Variants in CREB1 observed in about 807,000 individuals in gnomAD.
The protein encoded by CREB1 is cAMP responsive element binding protein 1.
In CREB1, 2 loss-of-function variants were observed where a neutral mutation model predicts 42.0. The ratio of observed to expected loss-of-function variants is 0.05; its 90% CI spans 0.02 to 0.15. The LOEUF is 0.15. Among genes scored for constraint, CREB1 ranks in the 10% least tolerant of loss-of-function variants. CREB1 has a pLI of 1.00. For missense variants in CREB1, 199 were observed against 388.9 expected (o/e 0.51, Z 4.11); for synonymous variants, 123 against 139.9 (o/e 0.88, Z 0.85).
intron 7 of CREB1, among the ~76,000 whole-genome samples, chr2:207,583,483 A>G (rs184540607): frequency 5.9e-5 from 9 of 152,360 alleles, no homozygotes; most frequent in Admixed American, 4.6e-4. Flanking sequence ...TACCAGTTAC[A>G]GTGCAGTATT....
intron 4 of CREB1, among the ~76,000 whole-genome samples, chr2:207,568,811 G>A (rs572973324): frequency 8.8e-4 from 134 of 151,982 alleles, no homozygotes; most frequent in African/African-American, 3.2e-3. Flanking sequence ...CCATTTTAGA[G>A]TTTCTCCACC....
intron 1 of CREB1, chr2:207,550,605 C>T (rs1051470890): frequency 1.3e-5 from 2 of 152,046 alleles, no homozygotes; most frequent in African/African-American, 4.8e-5. Flanking sequence ...AGTATGTATT[C>T]TTTCCTTTTG....
Position 207,605,385 on chromosome 2 carries a change from T to G in CREB1, c.*8327T>G, listed in dbSNP as rs1024471573. 1.3e-5 allele frequency among the ~76,000 whole-genome samples: 2 copies of G among 152,242 alleles called. No individual in the cohort carries two copies. The highest frequency in any genetic ancestry group is 2.9e-5 in the Non-Finnish European group (2 of 68,036). On this transcript the variant is annotated 3_prime_UTR_variant, in exon 8 of 8. Transcript: ENST00000353267. ...TGAAGAAATGTCTGTTGAGGTCCTT[T>G]GTTCATTGAAATTTTGTTGTTGGGT...
chr2:207,577,201 C>T, intron 6 of CREB1: 1 of 1,106,662 alleles, frequency 9.0e-7, no homozygotes, highest in Non-Finnish European at 1.1e-6. Context: ...CCAAGCTGTG[C>T]CCCACTTACC....
rs1402539756 is a variant in CREB1 at position 207,603,815 on chromosome 2, G to C, written c.*6757G>C. Among the ~76,000 whole-genome samples, 1 of 152,192 alleles carries C rather than the reference G, an allele frequency of 6.6e-6. No homozygotes were observed. Among genetic ancestry groups the C allele is most frequent in the Non-Finnish European group, 1.5e-5 (1 of 68,024 alleles). ...GATCATATAAATTGGAAGGAAAGGG[G>C]AGGGGATATGGTTAATCTTTGCTTA... is the stretch of plus-strand genomic sequence containing the variant. On this transcript the variant is annotated 3_prime_UTR_variant, in exon 8 of 8. Transcript: ENST00000353267.
chr2:207,546,749 CAAA>C (rs1300920553), intron 1 of CREB1, among the ~76,000 whole-genome samples: 1 of 151,406 alleles, frequency 6.6e-6, no homozygotes, highest in Non-Finnish European at 1.5e-5. Flanking sequence ...CAAAAAACAA[CAAA>C]AACAAATCAA....
chr2:207,586,815 A>G (rs1254077965), intron 7 of CREB1, among the ~76,000 whole-genome samples: 1 of 152,234 alleles, frequency 6.6e-6, no homozygotes, highest in Non-Finnish European at 1.5e-5. Flanking sequence ...CAACATTACT[A>G]ATTGTCAGAT....
intron 1 of CREB1, among the ~76,000 whole-genome samples, chr2:207,535,584 T>C (rs896098526): frequency 6.6e-6 from 1 of 152,094 alleles, no homozygotes; most frequent in African/African-American, 2.4e-5. Context: ...GTTTTATATT[T>C]TGTACCTAAA....
At chr2:207,560,158 C>A in intron 2 of CREB1, 68 bp from the exon 3 acceptor site, 1 of 1,379,592 alleles carries the variant, frequency 7.2e-7, no homozygotes, top group South Asian at 2.1e-5. Flanking sequence ...AAAGTTATTT[C>A]ATATTGAACA....
At chr2:207,540,040 C>T (rs544867529) in intron 1 of CREB1, among the ~76,000 whole-genome samples, 263 of 152,292 alleles carry the variant, frequency 1.7e-3, no homozygotes, top group Non-Finnish European at 2.8e-3. Flanking sequence ...ACTCCCAATT[C>T]TTCTCCTTAG....
intron 4 of CREB1, among the ~76,000 whole-genome samples, chr2:207,569,359 G>T (rs1422430325): frequency 6.6e-6 from 1 of 152,148 alleles, no homozygotes; most frequent in Non-Finnish European, 1.5e-5. Context: ...TATCGGGATT[G>T]TGCCAGTTTT....
intron 1 of CREB1, chr2:207,550,291 G>A (rs1412408849): frequency 6.7e-6 from 1 of 149,576 alleles, no homozygotes; most frequent in African/African-American, 2.5e-5. Flanking sequence ...ACTTGTTAGT[G>A]TGCAGGGAAA....
In CREB1 at chr2:207,604,265, TAG is replaced by T. The variant is rs2087656367; in HGVS notation, c.*7208_*7209del. Among the ~76,000 whole-genome samples the T allele has an allele frequency of 1.3e-5, 2 of 152,214 alleles. No homozygotes were observed. The highest frequency in any genetic ancestry group is 2.9e-5 in the Non-Finnish European group (2 of 68,038). On this transcript the variant is annotated 3_prime_UTR_variant, in exon 8 of 8. Coordinates refer to ENST00000353267, the MANE Select transcript of CREB1 (RefSeq NM_004379.5). ...TAAAATTCTGATCCATTTCTAGTTT[TAG>T]TGTTTCGCCACTGAAGACTTAACAT...
At position 207,543,884 on chromosome 2, in the gene CREB1, G is replaced by A. The variant is rs762965556; in HGVS notation, c.-8-11744G>A. On this transcript the variant is annotated intron_variant, in intron 1 of 7. Coordinates refer to ENST00000353267, the MANE Select transcript of CREB1 (RefSeq NM_004379.5). ...TCCCAGAGTGCTGGGGATTACAGGC[G>A]TGAGCCACGGCGCCCAGCCAAAATT... Among the ~76,000 whole-genome samples, 36 of 152,074 alleles carry A rather than the reference G, an allele frequency of 2.4e-4. 1 individual carries two copies. The highest frequency in any genetic ancestry group is 1.9e-3 in the East Asian group (10 of 5,144).
At chr2:207,591,696 G>A (rs2085071633) in intron 7 of CREB1, among the ~76,000 whole-genome samples, 2 of 152,148 alleles carry the variant, frequency 1.3e-5, no homozygotes, top group Admixed American at 1.3e-4. Context: ...GCCTCCCAAA[G>A]TGCTGGGATT....
chr2:207,575,934 T>TTTCC (rs772496096), intron 6 of CREB1, among the ~76,000 whole-genome samples: 1 of 14,190 alleles, frequency 7.0e-5, no homozygotes, highest in Non-Finnish European at 1.6e-4. Context: ...TTTCTCTGCT[T>TTTCC]CCCCCCCCCC....
intron 5 of CREB1, among the ~76,000 whole-genome samples, chr2:207,571,304 G>A (rs2082354620): frequency 6.6e-6 from 1 of 151,864 alleles, no homozygotes. Flanking sequence ...GAGCCATCCA[G>A]GAGTTTAAGA....
chr2:207,543,736 G>A (rs2081191106), intron 1 of CREB1, among the ~76,000 whole-genome samples: 2 of 151,872 alleles, frequency 1.3e-5, no homozygotes, highest in South Asian at 2.1e-4. Flanking sequence ...CCGAGTAACT[G>A]GGACTACAGG....
intron 7 of CREB1, among the ~76,000 whole-genome samples, chr2:207,590,455 T>C (rs2084814264): frequency 6.6e-6 from 1 of 152,066 alleles, no homozygotes; most frequent in Admixed American, 6.5e-5. Flanking sequence ...TTGTATTGAT[T>C]TGTACTCTGA....
Sources: allele counts gnomAD v4.1 joint callset (sites outside exome capture counted in the v4.1 genomes callset), GRCh38; gene constraint gnomAD v4.1.1; transcripts MANE v1.5; gene names NCBI Gene and HGNC (gene_info 2026-07-23, HGNC 2026-07-21).